The following PAPLN variants were observed in gnomAD, a reference collection of about 807,000 sequenced individuals.
The protein encoded by PAPLN is papilin.
Under a neutral mutation model 159.0 loss-of-function variants are expected in PAPLN, and 146 were observed. The ratio of observed to expected loss-of-function variants is 0.92; its 90% CI spans 0.80 to 1.05. The LOEUF is 1.05. PAPLN is among the 50% of genes least tolerant of loss of function. The probability of loss-of-function intolerance (pLI) is 0.00; values close to 1 mark genes in which losing one functional copy is unlikely to be tolerated. For missense variants in PAPLN, 1,720 were observed against 1,743.9 expected (o/e 0.99, Z 0.24); for synonymous variants, 734 against 702.9 (o/e 1.04, Z -0.70).
rs375668095 is a variant in PAPLN, at chr14:73,268,743, G to A, written c.3667+20G>A. ...CACCAGGTAGGAAAGGTCTATATCC[G>A]GGGATGGGAAGGACATTCCCCAGTA... On this transcript the variant is annotated intron_variant, in intron 26 of 26. Transcript: ENST00000644200. The A allele has an allele frequency of 8.8e-6, 14 of 1,583,582 alleles. No homozygotes were observed. In the African/African-American group the frequency reaches 1.2e-4, roughly 14 times the overall value.
chr14:73,261,020 A>C, intron 17 of PAPLN, 136 bp from the exon 18 acceptor site: 1 of 1,474,846 alleles, frequency 6.8e-7, no homozygotes, highest in South Asian at 1.3e-5. Flanking sequence ...GTTTCATCCA[A>C]CATTCTCCTG....
Position 73,262,588 on chromosome 14 carries a change from C to T in PAPLN, c.2484C>T (p.Gly828=), listed in dbSNP as rs376346504. The change falls in exon 19 of 27, where the codon GGC becomes GGT. Residue 828 remains glycine (G), a synonymous_variant. Transcript: ENST00000644200. ...GAAGGAGCACCCACACGGATGGTGG[C>T]GGCAGCAGTCCTGCAGGCGAGCAGG... ...ASGRSTHTDG[G]GSSPAGEQEP... 2.1e-5 allele frequency: 33 copies of T among 1,560,064 alleles called. No homozygotes were observed. Among genetic ancestry groups the T allele is most frequent in the African/African-American group, 1.2e-4 (9 of 73,800 alleles).
In PAPLN at chr14:73,257,070, C is replaced by G. The variant is rs1023305536; in HGVS notation, c.1628-1909C>G. Among the ~76,000 whole-genome samples the G allele has an allele frequency of 2.0e-5, 3 of 152,140 alleles. No homozygotes were observed. In the East Asian group the frequency reaches 5.8e-4, roughly 29 times the overall value. On this transcript the variant is annotated intron_variant, in intron 14 of 26. Coordinates refer to ENST00000644200, the MANE Select transcript of PAPLN (RefSeq NM_001365906.3). Reference sequence around the variant, plus strand: ...CACTGCAGCCTCCACGTTCTGGGCTCAAGGGCTCCTCCCACATCAGCCTCC... The same window carrying G: ...CACTGCAGCCTCCACGTTCTGGGCTGAAGGGCTCCTCCCACATCAGCCTCC...
chr14:73,238,611 G>T (rs1000047121), intron 1 of PAPLN, among the ~76,000 whole-genome samples: 2 of 152,224 alleles, frequency 1.3e-5, no homozygotes, highest in African/African-American at 4.8e-5. Context: ...CCTAGCAGGG[G>T]GCTCCTGCTC....
chr14:73,253,650 G>C, intron 11 of PAPLN, 104 bp from the exon 12 acceptor site: 1 of 1,080,320 alleles, frequency 9.3e-7, no homozygotes, highest in Non-Finnish European at 1.3e-6. Context: ...ATGGGCTGGG[G>C]TGGGGGTCCT....
chr14:73,237,115 G>A (rs183466929), upstream of PAPLN, among the ~76,000 whole-genome samples: 1 of 152,322 alleles, frequency 6.6e-6, no homozygotes, highest in East Asian at 1.9e-4. Context: ...TAACAGCAGC[G>A]TGTGCGGAGA....
In PAPLN at chr14:73,245,039, T is replaced by G; in HGVS notation, c.170+280T>G. ...TGCAGTATGGCAGGTGCAGTCAATT[T>G]TGCTGGAACTGGTAAATAATCTTCA... On this transcript the variant is annotated intron_variant, in intron 3 of 26. Coordinates refer to ENST00000644200, the MANE Select transcript of PAPLN (RefSeq NM_001365906.3). The surrounding 1 kb of genome is among the most constrained non-coding windows in gnomAD (Gnocchi z 4.2). 1 of 307,526 alleles carries G rather than the reference T, an allele frequency of 3.3e-6. No homozygotes were observed. The allele number at this position is 307,526 out of a possible 1,614,324, so 19.0% of individuals were successfully genotyped here.
At chr14:73,262,888 G>A in intron 19 of PAPLN, 61 bp downstream of exon 19, 1 of 1,349,930 alleles carries the variant, frequency 7.4e-7, no homozygotes. Context: ...CATGCCAGTT[G>A]GAGCTAAACC....
chr14:73,266,566 AC>A lies in PAPLN; in HGVS notation c.3330del (p.Tyr1110Ter), dbSNP rs2140304567. Reference sequence around the variant, plus strand: ...GTGGCTGTAGAAGATGGCGGCTTCTACACCTGTGTCGCTTTCAATGGGCAGG... The same window carrying A: ...GTGGCTGTAGAAGATGGCGGCTTCTAACCTGTGTCGCTTTCAATGGGCAGG... ...SRVAVEDGGF[Y>X]TCVAFNGQDR... is the part of the protein sequence containing the mutation. On this transcript the variant is annotated frameshift_variant, in exon 24 of 27. Transcript: ENST00000644200. LOFTEE classifies it high-confidence loss of function. The A allele has an allele frequency of 6.2e-7, 1 of 1,614,144 alleles. No homozygotes were observed. The highest frequency in any genetic ancestry group is 1.7e-5 in the Admixed American group (1 of 60,020).
In PAPLN at chr14:73,245,865, C is replaced by T; in HGVS notation, c.231+169C>T. 3 of 955,316 alleles carry T rather than the reference C, an allele frequency of 3.1e-6. No individual in the cohort carries two copies. The East Asian group carries it at 7.9e-5, about 25-fold the overall frequency. The allele number at this position is 955,316 out of a possible 1,614,324, so 59.2% of individuals were successfully genotyped here. The stretch of plus-strand genomic sequence containing the variant: ...TGGGGGCCCCTTCCTCACCCTGCTC[C>T]CGGGGACTGGCCTTGCCCTCCACAG... On this transcript the variant is annotated intron_variant, in intron 4 of 26. Coordinates refer to ENST00000644200, the MANE Select transcript of PAPLN (RefSeq NM_001365906.3). This position sits in a 1 kb window ranked among gnomAD's most constrained non-coding sequence, Gnocchi z 4.2.
chr14:73,251,446 G>A, intron 7 of PAPLN, 40 bp from the exon 8 acceptor site: 1 of 1,575,904 alleles, frequency 6.3e-7, no homozygotes, highest in Non-Finnish European at 8.6e-7. Context: ...CCGGGAGAGG[G>A]ATAGCCCAGC....
intron 5 of PAPLN, among the ~76,000 whole-genome samples, chr14:73,247,577 A>G (rs1019852843): frequency 3.0e-5 from 4 of 135,498 alleles, no homozygotes; most frequent in East Asian, 2.3e-4. Context: ...TGGGAGTCTC[A>G]TGTCCTCTGT....
At position 73,265,386 on chromosome 14, in the gene PAPLN, A is replaced by C; in HGVS notation, c.3142A>C (p.Asn1048His). 2 of 1,610,566 alleles carry C rather than the reference A, an allele frequency of 1.2e-6. No homozygotes were observed. Among genetic ancestry groups the C allele is most frequent in the Non-Finnish European group, 1.7e-6 (2 of 1,179,954 alleles). Residue 1048 changes from asparagine to histidine, a missense_variant, in exon 23 of 27, where the codon AAC (asparagine) becomes CAC (histidine). Asn to His is a moderately conservative substitution (Grantham distance 68, BLOSUM62 1). Transcript: ENST00000644200. The surrounding 1 kb of genome is among the most constrained non-coding windows in gnomAD (Gnocchi z 4.1). Reference protein sequence around the residue: ...QPANRLRLDQNQPRVVDASPG... With the variant: ...QPANRLRLDQHQPRVVDASPG... ...GTTTGGCAGGCTGCGTTTGGACCAG[A>C]ACCAGCCCCGGGTGGTGGATGCCAG...
chr14:73,255,957 C>T (rs565015186), intron 14 of PAPLN, among the ~76,000 whole-genome samples: 2 of 152,282 alleles, frequency 1.3e-5, no homozygotes, highest in Admixed American at 1.3e-4. Flanking sequence ...CTTTCCAGAC[C>T]GTGGTGGTCA....
In PAPLN at chr14:73,246,152, A is replaced by G; in HGVS notation, c.311A>G (p.Tyr104Cys). The change falls in exon 5 of 27, where the codon TAT becomes TGT. Residue 104 changes from tyrosine to cysteine, a missense_variant. Physicochemically the swap from Tyr to Cys is radical, Grantham distance 194. Transcript: ENST00000644200. ...FDGAEFQGRRYRWLPYYSAPN... is the reference protein window; with the variant it reads ...FDGAEFQGRRCRWLPYYSAPN... ...GGAGCGGAGTTCCAGGGGCGGCGGT[A>G]TCGGTGGCTGCCCTACTACAGCGGT... 6.3e-7 allele frequency: 1 copy of G among 1,589,956 alleles called. No individual in the cohort carries two copies. Among genetic ancestry groups the G allele is most frequent in the Non-Finnish European group, 8.5e-7 (1 of 1,171,046 alleles).
chr14:73,270,428 CTTCCCTCCA>C (rs1167090516), intron 26 of PAPLN, among the ~76,000 whole-genome samples: 5 of 152,236 alleles, frequency 3.3e-5, no homozygotes, highest in African/African-American at 4.8e-5. Flanking sequence ...AAAACTCGTT[CTTCCCTCCA>C]TTCCCTCCTG....
intron 1 of PAPLN, among the ~76,000 whole-genome samples, chr14:73,238,021 C>T (rs1030275762): frequency 1.2e-4 from 19 of 152,168 alleles, no homozygotes; most frequent in Admixed American, 9.2e-4. Flanking sequence ...CCGGGCCTCC[C>T]GTGGGAACCG....
rs567503716 is a variant in PAPLN at position 73,244,637 on chromosome 14, T to C, written c.55-7T>C. 5 of 1,565,678 alleles carry C rather than the reference T, an allele frequency of 3.2e-6. No homozygotes were observed. In the South Asian group the frequency reaches 4.7e-5, roughly 15 times the overall value. On this transcript the variant is annotated splice_region_variant and splice_polypyrimidine_tract_variant and intron_variant, in intron 2 of 26. Coordinates refer to ENST00000644200, the MANE Select transcript of PAPLN (RefSeq NM_001365906.3). ...GCAATGCTGATGCATGGTCCTGTCT[T>C]CTGCAGGCTCCCAAGGTGAGGCGGC...
intron 18 of PAPLN, among the ~76,000 whole-genome samples, chr14:73,261,843 C>T (rs1398761380): frequency 1.3e-5 from 2 of 152,190 alleles, no homozygotes; most frequent in Non-Finnish European, 2.9e-5. Context: ...ATGGGTCAGG[C>T]CATGCTGGCG....
Sources: gnomAD v4.1 joint callset for allele counts (sites outside exome capture counted in the v4.1 genomes callset) on GRCh38, gnomAD v4.1.1 for gene constraint, Gnocchi (gnomAD v3.1) non-coding constraint, MANE v1.5 for transcripts, NCBI Gene and HGNC (gene_info 2026-07-23, HGNC 2026-07-21) for gene names.